ITPR2: variants seen among roughly 807,000 people sequenced by gnomAD.
ITPR2 encodes the protein inositol 1,4,5-trisphosphate-gated calcium channel ITPR2.
Under a neutral mutation model 317.1 loss-of-function variants are expected in ITPR2, and 207 were observed. That is an observed-to-expected ratio of 0.65 (90% confidence interval 0.58 to 0.73). The LOEUF is 0.73. ITPR2 is among the 30% of genes least tolerant of loss of function. The pLI, the probability that ITPR2 is intolerant of heterozygous loss-of-function variation, is 0.00. For missense variants in ITPR2, 2,613 were observed against 3,284.0 expected (o/e 0.80, Z 4.99); for synonymous variants, 1,156 against 1,149.1 (o/e 1.01, Z -0.12).
At chr12:26,564,624 G>C (rs1591905080) in intron 34 of ITPR2, among the ~76,000 whole-genome samples, 2 of 152,192 alleles carry the variant, frequency 1.3e-5, no homozygotes, top group East Asian at 3.8e-4. Context: ...TATAAGAAGG[G>C]AAGGAGAGAC....
chr12:26,343,890 G>A lies in ITPR2; in HGVS notation c.7858-3562C>T, dbSNP rs116730202. Among the ~76,000 whole-genome samples, 849 of 152,216 alleles carry A rather than the reference G, an allele frequency of 5.6e-3. 8 individuals are homozygous for A. The highest frequency in any genetic ancestry group is 0.02 in the African/African-American group (818 of 41,522). On this transcript the variant is annotated intron_variant, in intron 55 of 56. Coordinates refer to ENST00000381340, the MANE Select transcript of ITPR2 (RefSeq NM_002223.4). ...CTGCCACCAAGGGGCTAAAGGAGAA[G>A]GGGGTCACCATGGTTTGAATGCTTG...
At chr12:26,814,414 G>T (rs968642029) in intron 1 of ITPR2, among the ~76,000 whole-genome samples, 2 of 152,114 alleles carry the variant, frequency 1.3e-5, no homozygotes, top group African/African-American at 4.8e-5. Context: ...CACCAGTTCT[G>T]TTGAAGGAAT....
intron 41 of ITPR2, among the ~76,000 whole-genome samples, chr12:26,484,574 C>T (rs1396316992): frequency 6.6e-6 from 1 of 152,130 alleles, no homozygotes; most frequent in African/African-American, 2.4e-5. Flanking sequence ...AATAATAGTA[C>T]ATCCAAACAT....
At chr12:26,570,621 A>G (rs1270060085) in intron 34 of ITPR2, among the ~76,000 whole-genome samples, 1 of 152,222 alleles carries the variant, frequency 6.6e-6, no homozygotes, top group East Asian at 1.9e-4. Context: ...TGGAATTTCC[A>G]CTTGGAAAAT....
chr12:26,693,342 CAG>C, intron 10 of ITPR2, among the ~76,000 whole-genome samples: 1 of 152,144 alleles, frequency 6.6e-6, no homozygotes, highest in East Asian at 1.9e-4. Context: ...GCTTGATTAA[CAG>C]AAAGAGTGAA....
At chr12:26,760,092 T>C (rs563606204) in intron 2 of ITPR2, among the ~76,000 whole-genome samples, 1 of 152,324 alleles carries the variant, frequency 6.6e-6, no homozygotes, top group South Asian at 2.1e-4. Context: ...TTACTTATAA[T>C]ACCTAATACT....
chr12:26,557,771 T>C (rs1254766521), intron 35 of ITPR2, among the ~76,000 whole-genome samples: 1 of 152,240 alleles, frequency 6.6e-6, no homozygotes, highest in East Asian at 1.9e-4. Flanking sequence ...AACTGATATG[T>C]TTCTAAAATG....
At chr12:26,475,186 G>A in intron 45 of ITPR2, 110 bp downstream of exon 45, 4 of 1,238,598 alleles carry the variant, frequency 3.2e-6, no homozygotes, top group Non-Finnish European at 3.4e-6. Flanking sequence ...ACCTAGGATG[G>A]TAAGTGCTGA....
At chr12:26,479,506 A>G (rs2136830349) in intron 43 of ITPR2, among the ~76,000 whole-genome samples, 1 of 152,302 alleles carries the variant, frequency 6.6e-6, no homozygotes, top group East Asian at 1.9e-4. Context: ...TTAAAAGCCA[A>G]AGATCAAGAC....
intron 49 of ITPR2, among the ~76,000 whole-genome samples, chr12:26,424,192 AC>A (rs1166385299): frequency 6.6e-6 from 1 of 152,232 alleles, no homozygotes; most frequent in Non-Finnish European, 1.5e-5. Flanking sequence ...TATCATTATC[AC>A]CATTATTAAT....
At chr12:26,764,178 T>C (rs1949680800) in intron 2 of ITPR2, among the ~76,000 whole-genome samples, 1 of 152,004 alleles carries the variant, frequency 6.6e-6, no homozygotes, top group South Asian at 2.1e-4. Flanking sequence ...GACAAAGACT[T>C]TTCACCCTTC....
At chr12:26,832,237 G>T (rs577028241) in intron 1 of ITPR2, among the ~76,000 whole-genome samples, 43 of 152,328 alleles carry the variant, frequency 2.8e-4, no homozygotes, top group Non-Finnish European at 5.7e-4. Context: ...TGAGTTTCAT[G>T]TCCAAGGCCA....
intron 35 of ITPR2, among the ~76,000 whole-genome samples, chr12:26,557,128 T>A (rs1944685289): frequency 6.6e-6 from 1 of 152,118 alleles, no homozygotes; most frequent in Non-Finnish European, 1.5e-5. Flanking sequence ...TCAGAATGAA[T>A]CATTTCATCC....
At chr12:26,653,458 T>A (rs1249526914) in intron 21 of ITPR2, among the ~76,000 whole-genome samples, 1 of 152,108 alleles carries the variant, frequency 6.6e-6, no homozygotes, top group Non-Finnish European at 1.5e-5. Flanking sequence ...GCCAGGATGG[T>A]CTCGATCTCC....
chr12:26,472,224 C>A (rs1307637274), intron 45 of ITPR2, among the ~76,000 whole-genome samples: 1 of 152,202 alleles, frequency 6.6e-6, no homozygotes, highest in East Asian at 1.9e-4. Flanking sequence ...CAGTTACATA[C>A]AACTGGCCTA....
chr12:26,713,569 A>G (rs563137485), intron 8 of ITPR2, among the ~76,000 whole-genome samples: 2 of 152,332 alleles, frequency 1.3e-5, no homozygotes, highest in South Asian at 2.1e-4. Context: ...ATTTCCAACT[A>G]TGCATTTTGA....
intron 48 of ITPR2, 80 bp from the exon 49 acceptor site, chr12:26,428,168 G>T: frequency 3.8e-6 from 4 of 1,054,516 alleles, no homozygotes; most frequent in Non-Finnish European, 3.9e-6. Flanking sequence ...TACTTTATAT[G>T]GTATCATTAA....
At chr12:26,815,479 A>G (rs1202684172) in intron 1 of ITPR2, among the ~76,000 whole-genome samples, 2 of 152,200 alleles carry the variant, frequency 1.3e-5, no homozygotes, top group African/African-American at 4.8e-5. Flanking sequence ...CTATGTTCTA[A>G]TCGGGATGAA....
rs187811112 is a variant in ITPR2, at chr12:26,631,876, T to G, written c.2924A>C (p.Glu975Ala). The change falls in exon 22 of 57, where the codon GAG becomes GCG. Residue 975 changes from glutamate (E) to alanine (A), a missense_variant. By Grantham distance (107) the Glu-to-Ala change is moderately radical. Around this residue, in one of 9 missense-constraint regions of ITPR2, gnomAD observed 817 missense variants for 897.6 expected, o/e 0.91. Transcript: ENST00000381340. Reference sequence around the variant, plus strand: ...TGTTAGGCAACACACCTGCAAAATCTCAATGATCTTCAGCTTGGTGTCCAT... The same window carrying G: ...TGTTAGGCAACACACCTGCAAAATCGCAATGATCTTCAGCTTGGTGTCCAT... ...TVMDTKLKII[E>A]ILQFILSVRL... is the part of the protein sequence containing the mutation. 105 of 1,613,816 alleles carry G rather than the reference T, an allele frequency of 6.5e-5. 1 individual carries two copies. In the East Asian group the frequency reaches 1.2e-3, roughly 19 times the overall value.
Sources: allele counts gnomAD v4.1 joint callset (sites outside exome capture counted in the v4.1 genomes callset), GRCh38; gene constraint gnomAD v4.1.1; regional missense constraint gnomAD v4.1.1; transcripts MANE v1.5; gene names NCBI Gene and HGNC (gene_info 2026-07-23, HGNC 2026-07-21).